Variants in PHLPP1 observed in about 807,000 individuals in gnomAD.
PHLPP1 encodes the protein PH domain and leucine rich repeat protein phosphatase 1.
PHLPP1 carries 42 observed loss-of-function variants against 117.2 expected under a neutral mutation model. The observed-to-expected ratio is 0.36, with a 90% CI of 0.28 to 0.46. PHLPP1 has a LOEUF of 0.46. Ranked by LOEUF, PHLPP1 falls within the 20% of genes least tolerant of loss-of-function variation. The probability of loss-of-function intolerance (pLI) is 1.00; values close to 1 mark genes in which losing one functional copy is unlikely to be tolerated. For synonymous variants in PHLPP1, 1,042 were observed against 970.7 expected, an observed-to-expected ratio of 1.07 and a Z score of -1.37; for missense variants, 2,084 against 2,241.9, an observed-to-expected ratio of 0.93 and a Z score of 1.42.
chr18:62,837,237 C>A (rs1914930975), intron 2 of PHLPP1, among the ~76,000 whole-genome samples: 1 of 152,176 alleles, frequency 6.6e-6, no homozygotes, highest in African/African-American at 2.4e-5. Context: ...AGCGATCTGT[C>A]CCTCTAGGTC....
intron 12 of PHLPP1, among the ~76,000 whole-genome samples, chr18:62,952,008 C>T (rs950801316): frequency 1.3e-5 from 2 of 151,740 alleles, no homozygotes; most frequent in African/African-American, 4.8e-5. Flanking sequence ...TTAGTAGAGA[C>T]GGGGTTTTGC....
intron 1 of PHLPP1, among the ~76,000 whole-genome samples, chr18:62,783,800 C>T (rs1363281766): frequency 3.3e-5 from 5 of 151,974 alleles, no homozygotes; most frequent in Non-Finnish European, 5.9e-5. Flanking sequence ...AAATGATTGA[C>T]TGTAGGCACA....
intron 3 of PHLPP1, among the ~76,000 whole-genome samples, chr18:62,852,788 G>C (rs1210928970): frequency 6.6e-6 from 1 of 152,166 alleles, no homozygotes; most frequent in South Asian, 2.1e-4. Flanking sequence ...AAAGTATAGA[G>C]GGGGCAAAAT....
chr18:62,791,514 T>C (rs766215282), intron 1 of PHLPP1, among the ~76,000 whole-genome samples: 1 of 152,244 alleles, frequency 6.6e-6, no homozygotes, highest in Non-Finnish European at 1.5e-5. Flanking sequence ...AGGGATGCTT[T>C]GCTTCTGACT....
intron 10 of PHLPP1, among the ~76,000 whole-genome samples, chr18:62,929,861 C>G (rs939035903): frequency 1.3e-5 from 2 of 152,118 alleles, no homozygotes; most frequent in African/African-American, 4.8e-5. Context: ...AGGCAGGAGC[C>G]TCTCAGGAAT....
At chr18:62,933,543 G>A (rs1909881856) in intron 10 of PHLPP1, among the ~76,000 whole-genome samples, 1 of 152,136 alleles carries the variant, frequency 6.6e-6, no homozygotes, top group Admixed American at 6.6e-5. Flanking sequence ...AAATAGTGCT[G>A]GGAAAACTGG....
intron 4 of PHLPP1, among the ~76,000 whole-genome samples, chr18:62,864,726 C>T (rs1254507810): frequency 1.3e-5 from 2 of 152,228 alleles, no homozygotes; most frequent in Non-Finnish European, 2.9e-5. Context: ...GGGTCCCTGG[C>T]TGATTCCAGT....
chr18:62,716,975 G>C lies in PHLPP1; in HGVS notation c.1292G>C (p.Arg431Pro). Residue 431 changes from arginine (R) to proline (P), a missense_variant, in exon 1 of 17, where the codon CGC (arginine) becomes CCC (proline). Physicochemically the swap from Arg to Pro is moderately radical, Grantham distance 103. Transcript: ENST00000262719. The surrounding 1 kb of genome is among the most constrained non-coding windows in gnomAD (Gnocchi z 5.7). Reference sequence around the variant, plus strand: ...ATTGACAGCCCGGGCGGGGCCGTCCGCGAGGGGTCGTGCGAGGAGAAGGCA... The same window carrying C: ...ATTGACAGCCCGGGCGGGGCCGTCCCCGAGGGGTCGTGCGAGGAGAAGGCA... ...RAIDSPGGAV[R>P]EGSCEEKAAA... 6.5e-7 allele frequency: 1 copy of C among 1,540,626 alleles called. No individual in the cohort carries two copies. The highest frequency in any genetic ancestry group is 2.1e-4 in the Middle Eastern group (1 of 4,714).
At chr18:62,902,757 A>C (rs1916753926) in intron 6 of PHLPP1, among the ~76,000 whole-genome samples, 1 of 152,168 alleles carries the variant, frequency 6.6e-6, no homozygotes, top group Non-Finnish European at 1.5e-5. Flanking sequence ...TTCAGAATAT[A>C]TTGTGAAGGT....
chr18:62,777,545 TTG>T (rs1912997922), intron 1 of PHLPP1, among the ~76,000 whole-genome samples: 2 of 151,292 alleles, frequency 1.3e-5, no homozygotes, highest in South Asian at 2.1e-4. Context: ...CTAAAGGGTG[TTG>T]TTTTGAAAAG....
At chr18:62,795,962 CAG>C (rs1387370522) in intron 1 of PHLPP1, among the ~76,000 whole-genome samples, 1 of 152,200 alleles carries the variant, frequency 6.6e-6, no homozygotes, top group Non-Finnish European at 1.5e-5. Context: ...TCCTTCTACT[CAG>C]GGTATGTTAA....
intron 4 of PHLPP1, among the ~76,000 whole-genome samples, chr18:62,885,218 GACAC>G (rs1336918755): frequency 2.0e-5 from 3 of 152,176 alleles, no homozygotes; most frequent in Non-Finnish European, 2.9e-5. Context: ...TTTCAACTTT[GACAC>G]TGTAAAACAT....
chr18:62,880,235 G>C (rs1916145277), intron 4 of PHLPP1, among the ~76,000 whole-genome samples: 1 of 151,808 alleles, frequency 6.6e-6, no homozygotes, highest in Admixed American at 6.6e-5. Flanking sequence ...TTAGCTGTGA[G>C]ATATGCTTAG....
intron 3 of PHLPP1, among the ~76,000 whole-genome samples, chr18:62,852,486 G>C (rs1915381349): frequency 6.6e-6 from 1 of 152,142 alleles, no homozygotes; most frequent in South Asian, 2.1e-4. Context: ...TGGGACTACA[G>C]GCGCCTGCCG....
intron 14 of PHLPP1, among the ~76,000 whole-genome samples, chr18:62,964,745 A>C (rs1357476587): frequency 6.6e-6 from 1 of 152,152 alleles, no homozygotes; most frequent in African/African-American, 2.4e-5. Flanking sequence ...TACTTTTTAG[A>C]TCAAAGGATC....
chr18:62,889,049 C>G (rs1409051358), intron 4 of PHLPP1, among the ~76,000 whole-genome samples: 1 of 152,158 alleles, frequency 6.6e-6, no homozygotes, highest in Non-Finnish European at 1.5e-5. Context: ...CTTTCCACAT[C>G]TAGAAAGGAA....
At chr18:62,881,394 G>A (rs978828752) in intron 4 of PHLPP1, among the ~76,000 whole-genome samples, 1 of 152,076 alleles carries the variant, frequency 6.6e-6, no homozygotes, top group African/African-American at 2.4e-5. Context: ...GAAAAATTAT[G>A]AGTTTTAGCT....
rs1555676074 is a variant in PHLPP1 at position 62,836,473 on chromosome 18, AAATAAATAAAT to A, written c.1774-2308_1774-2298del. Reference sequence around the variant, plus strand: ...TAAATAAATAAATAAATAAATAAATAAATAAATAAATAAAAATAAATTACTGGATTTTGATG... The same window carrying A: ...TAAATAAATAAATAAATAAATAAATAAAAAATAAATTACTGGATTTTGATG... On this transcript the variant is annotated intron_variant, in intron 2 of 16. Coordinates refer to ENST00000262719, the MANE Select transcript of PHLPP1 (RefSeq NM_194449.4). Among the ~76,000 whole-genome samples, 232 of 147,934 alleles carry A rather than the reference AAATAAATAAAT, an allele frequency of 1.6e-3. No individual in the cohort carries two copies. In the Middle Eastern group the frequency reaches 0.018, roughly 11 times the overall value.
intron 4 of PHLPP1, among the ~76,000 whole-genome samples, chr18:62,878,744 A>G (rs1355592363): frequency 6.6e-6 from 1 of 152,116 alleles, no homozygotes; most frequent in Non-Finnish European, 1.5e-5. Flanking sequence ...CCTAATTTTA[A>G]ACTTTGTCAG....
Sources: allele counts gnomAD v4.1 joint callset (sites outside exome capture counted in the v4.1 genomes callset), GRCh38; gene constraint gnomAD v4.1.1; non-coding constraint Gnocchi (gnomAD v3.1); transcripts MANE v1.5; gene names NCBI Gene and HGNC (gene_info 2026-07-23, HGNC 2026-07-21).